The following KCNJ6 variants were observed in gnomAD, a reference collection of about 807,000 sequenced individuals.
KCNJ6 encodes G protein-activated inward rectifier potassium channel 2.
KCNJ6 carries 9 observed loss-of-function variants against 34.2 expected under a neutral mutation model. The ratio of observed to expected loss-of-function variants is 0.26; its 90% CI spans 0.16 to 0.46. The LOEUF (loss-of-function observed/expected upper bound fraction) is 0.46, where lower values mean the gene tolerates loss of function less well. Ranked by LOEUF, KCNJ6 falls within the 20% of genes least tolerant of loss-of-function variation. The probability of loss-of-function intolerance (pLI) is 1.00; values close to 1 mark genes in which losing one functional copy is unlikely to be tolerated. For missense variants in KCNJ6, 236 were observed against 531.3 expected (o/e 0.44, Z 5.46); for synonymous variants, 196 against 207.1 (o/e 0.95, Z 0.46).
chr21:37,680,186 C>T (rs1601416381), intron 3 of KCNJ6, among the ~76,000 whole-genome samples: 1 of 152,154 alleles, frequency 6.6e-6, no homozygotes, highest in Non-Finnish European at 1.5e-5. Flanking sequence ...ATATTATTTA[C>T]TCATTTTTTA....
intron 3 of KCNJ6, among the ~76,000 whole-genome samples, chr21:37,672,140 C>T (rs1213554059): frequency 6.6e-6 from 1 of 152,122 alleles, no homozygotes; most frequent in Admixed American, 6.5e-5. Context: ...TAAGGGTGAT[C>T]CCTGCTTGGC....
intron 2 of KCNJ6, among the ~76,000 whole-genome samples, chr21:37,739,903 C>A (rs2054931723): frequency 7.7e-6 from 1 of 129,504 alleles, no homozygotes; most frequent in African/African-American, 2.8e-5. Context: ...ATGAACAATT[C>A]TTTAGGTTTG....
At chr21:37,803,236 A>G (rs916026572) in intron 2 of KCNJ6, among the ~76,000 whole-genome samples, 1 of 152,160 alleles carries the variant, frequency 6.6e-6, no homozygotes, top group African/African-American at 2.4e-5. Flanking sequence ...ATTCTATCTC[A>G]GTGGCCACAG....
chr21:37,865,357 AC>A (rs1394414291), intron 1 of KCNJ6, among the ~76,000 whole-genome samples: 1 of 152,206 alleles, frequency 6.6e-6, no homozygotes, highest in East Asian at 1.9e-4. Context: ...TTTTCAGATA[AC>A]CGTATATACT....
intron 2 of KCNJ6, among the ~76,000 whole-genome samples, chr21:37,804,583 A>T (rs2055284556): frequency 6.6e-6 from 1 of 151,622 alleles, no homozygotes; most frequent in African/African-American, 2.4e-5. Context: ...CCCATCCTCC[A>T]CCCTCTAATA....
chr21:37,623,770 G>A lies in KCNJ6; in HGVS notation c.*1389C>T, dbSNP rs1468233254. The stretch of plus-strand genomic sequence containing the variant: ...GAGACATTTCTTAGACAATCATCAA[G>A]ATTGTTGATCTAATCTTTGAATACT... On this transcript the variant is annotated 3_prime_UTR_variant, in exon 4 of 4. Transcript: ENST00000609713. 1 of 152,154 alleles carries A rather than the reference G, an allele frequency of 6.6e-6. No homozygotes were observed. The highest frequency in any genetic ancestry group is 1.5e-5 in the Non-Finnish European group (1 of 68,034). 9.4% of individuals were successfully genotyped at this position (152,154 alleles called of 1,614,324 possible).
chr21:37,739,423 G>A (rs998113761), intron 2 of KCNJ6, among the ~76,000 whole-genome samples: 1 of 152,158 alleles, frequency 6.6e-6, no homozygotes, highest in African/African-American at 2.4e-5. Context: ...GAAAAGGGCT[G>A]CTTATTAGGG....
rs1034770473 is a variant in KCNJ6, at chr21:37,695,450, G to A, written c.946+18761C>T. On this transcript the variant is annotated intron_variant, in intron 3 of 3. Transcript: ENST00000609713. This position sits in a 1 kb window ranked among gnomAD's most constrained non-coding sequence, Gnocchi z 4.2. ...TTATGCAGCTCAATAAAAGTAGTGG[G>A]CTTCTAAGTGTAGGGTGGCTCTTTG... Among the ~76,000 whole-genome samples, 14 of 152,292 alleles carry A rather than the reference G, an allele frequency of 9.2e-5. No homozygotes were observed. The highest frequency in any genetic ancestry group is 2.9e-4 in the African/African-American group (12 of 41,556).
intron 3 of KCNJ6, among the ~76,000 whole-genome samples, chr21:37,632,323 T>G (rs1219928259): frequency 6.7e-6 from 1 of 150,118 alleles, no homozygotes; most frequent in Non-Finnish European, 1.5e-5. Flanking sequence ...TTGATAGTAC[T>G]TAGGACTGAG....
At chr21:37,910,037 G>A (rs2055859736) in intron 1 of KCNJ6, among the ~76,000 whole-genome samples, 2 of 152,188 alleles carry the variant, frequency 1.3e-5, no homozygotes, top group East Asian at 3.8e-4. Flanking sequence ...GCTTAACTTG[G>A]GAGTCTCCTT....
chr21:37,745,553 C>G (rs2054963646), intron 2 of KCNJ6, among the ~76,000 whole-genome samples: 1 of 152,170 alleles, frequency 6.6e-6, no homozygotes, highest in African/African-American at 2.4e-5. Context: ...CCTGATGACA[C>G]CTTGGCTTTA....
chr21:37,872,385 A>T (rs2055656898), intron 1 of KCNJ6, among the ~76,000 whole-genome samples: 1 of 152,178 alleles, frequency 6.6e-6, no homozygotes, highest in South Asian at 2.1e-4. Flanking sequence ...GGATCTTACA[A>T]AGTCAAAGGG....
chr21:37,682,203 G>A (rs2054593631), intron 3 of KCNJ6, among the ~76,000 whole-genome samples: 1 of 152,124 alleles, frequency 6.6e-6, no homozygotes, highest in Non-Finnish European at 1.5e-5. Flanking sequence ...CATTTCTGGA[G>A]GCCAGAAGTC....
chr21:37,712,313 A>G (rs1036901828), intron 3 of KCNJ6, among the ~76,000 whole-genome samples: 2 of 152,176 alleles, frequency 1.3e-5, no homozygotes, highest in African/African-American at 4.8e-5. Context: ...TGGTCAGTTC[A>G]TAGTGTCAGA....
intron 2 of KCNJ6, among the ~76,000 whole-genome samples, chr21:37,784,518 A>C (rs372244762): frequency 6.6e-6 from 1 of 152,188 alleles, no homozygotes; most frequent in Non-Finnish European, 1.5e-5. Flanking sequence ...GTCTTTGCAC[A>C]TGTTATAGGT....
In KCNJ6 at chr21:37,625,073, G is replaced by A; in HGVS notation, c.*86C>T. 1 of 1,011,522 alleles carries A rather than the reference G, an allele frequency of 9.9e-7. No homozygotes were observed. The highest frequency in any genetic ancestry group is 2.4e-5 in the East Asian group (1 of 41,896). 62.7% of individuals were successfully genotyped at this position (1,011,522 alleles called of 1,614,324 possible). A position where few individuals can be genotyped will look rare whatever the true frequency, so the allele number is the denominator to read the frequency against. On this transcript the variant is annotated 3_prime_UTR_variant, in exon 4 of 4. Transcript: ENST00000609713. ...TAAATATAAACAAATAAAGAACAAA[G>A]CAAGAGAGACAGAAAAAGAAAGAGA...
chr21:37,676,026 C>T (rs995398405), intron 3 of KCNJ6, among the ~76,000 whole-genome samples: 1 of 152,250 alleles, frequency 6.6e-6, no homozygotes, highest in Non-Finnish European at 1.5e-5. Context: ...CCTCCTGAAT[C>T]TGAGCCTGCA....
rs534750897 is a variant in KCNJ6, at chr21:37,617,647, G to C, written c.*7512C>G. On this transcript the variant is annotated 3_prime_UTR_variant, in exon 4 of 4. Transcript: ENST00000609713. ...CTGGAGAGAGTTCTGCCATTGGCCC[G>C]ATGACTGAGTCTGTGCCCACGGCAT... 8 of 152,302 alleles carry C rather than the reference G, an allele frequency of 5.3e-5. No individual in the cohort carries two copies. The highest frequency in any genetic ancestry group is 2.6e-4 in the Admixed American group (4 of 15,304). The allele number at this position is 152,302 out of a possible 1,614,324, so 9.4% of individuals were successfully genotyped here. A position where few individuals can be genotyped will look rare whatever the true frequency, so the allele number is the denominator to read the frequency against.
At chr21:37,758,079 AG>A (rs2055040354) in intron 2 of KCNJ6, among the ~76,000 whole-genome samples, 1 of 152,198 alleles carries the variant, frequency 6.6e-6, no homozygotes, top group South Asian at 2.1e-4. Flanking sequence ...GGTTTAGTGG[AG>A]GGGGAGAGGC....
Sources: allele counts gnomAD v4.1 joint callset (sites outside exome capture counted in the v4.1 genomes callset), GRCh38; gene constraint gnomAD v4.1.1; non-coding constraint Gnocchi (gnomAD v3.1); transcripts MANE v1.5; gene names NCBI Gene and HGNC (gene_info 2026-07-23, HGNC 2026-07-21).